Variants in TTC21B observed in about 807,000 individuals in gnomAD.
TTC21B encodes tetratricopeptide repeat protein 21B.
TTC21B carries 127 observed loss-of-function variants against 175.1 expected under a neutral mutation model. That is an observed-to-expected ratio of 0.73 (90% CI 0.63 to 0.84). TTC21B has a LOEUF of 0.84. Ranked by LOEUF, TTC21B falls within the 40% of genes least tolerant of loss-of-function variation. The pLI is 0.00. For missense variants in TTC21B, 1,561 were observed against 1,558.3 expected, an observed-to-expected ratio of 1.00 and a Z score of -0.03; for synonymous variants, 524 against 524.5, an observed-to-expected ratio of 1.00 and a Z score of 0.01.
intron 11 of TTC21B, chr2:165,928,848 G>C (rs1236033235): frequency 2.7e-6 from 1 of 377,112 alleles, no homozygotes; most frequent in African/African-American, 2.1e-5. Context: ...CAGACTGGTA[G>C]CAAATATAAG....
At chr2:165,924,063 AT>A (rs1041391932) in intron 12 of TTC21B, among the ~76,000 whole-genome samples, 15 of 152,050 alleles carry the variant, frequency 9.9e-5, no homozygotes, top group African/African-American at 3.6e-4. Context: ...ATGATGGTCT[AT>A]TTTTATGTGT....
chr2:165,890,454 A>G, intron 24 of TTC21B, 25 bp downstream of exon 24: 1 of 1,611,098 alleles, frequency 6.2e-7, no homozygotes. Context: ...TTTTTTAAAA[A>G]AGGATAATAT....
intron 4 of TTC21B, among the ~76,000 whole-genome samples, 169 bp downstream of exon 4, chr2:165,945,355 T>C (rs1341313865): frequency 1.3e-5 from 2 of 152,216 alleles, no homozygotes; most frequent in African/African-American, 2.4e-5. Flanking sequence ...TATTCTACAA[T>C]ACACTATTAA....
chr2:165,877,721 ATATG>A (rs1463772964), intron 27 of TTC21B, among the ~76,000 whole-genome samples: 11 of 152,270 alleles, frequency 7.2e-5, no homozygotes, highest in African/African-American at 1.9e-4. Context: ...GTGTGTATAT[ATATG>A]TATGTCTATA....
chr2:165,940,942 C>G (rs1687342266), intron 6 of TTC21B, 85 bp downstream of exon 6: 2 of 1,498,426 alleles, frequency 1.3e-6, no homozygotes. Flanking sequence ...TTTAAAAACC[C>G]TTATGAAAAA....
chr2:165,910,570 T>C (rs1257676229), intron 18 of TTC21B, among the ~76,000 whole-genome samples: 3 of 152,122 alleles, frequency 2.0e-5, no homozygotes, highest in Admixed American at 6.6e-5. Context: ...CATTGGAACA[T>C]GGATTATAAT....
chr2:165,888,446 GCA>G lies in TTC21B; in HGVS notation c.3290_3291del (p.Val1097AlafsTer12). On this transcript the variant is annotated frameshift_variant, in exon 25 of 29. Coordinates refer to ENST00000243344, the MANE Select transcript of TTC21B (RefSeq NM_024753.5). LOFTEE classifies it high-confidence loss of function. ...TTTTCTGCTGTTCTTACTGCCAGTTGCACAGATTCTTGCTTCTCAGTTGAATT... is the reference window on the plus strand; with the variant it reads ...TTTTCTGCTGTTCTTACTGCCAGTTGCAGATTCTTGCTTCTCAGTTGAATT... ...LGNSTEKQESVQLAVRTAEKL... is the reference protein window; with the variant it reads ...LGNSTEKQESXQLAVRTAEKL... 1 of 1,613,576 alleles carries G rather than the reference GCA, an allele frequency of 6.2e-7. No individual in the cohort carries two copies. Among genetic ancestry groups the G allele is most frequent in the Non-Finnish European group, 8.5e-7 (1 of 1,179,744 alleles).
chr2:165,926,102 A>G (rs1427359266), intron 11 of TTC21B, among the ~76,000 whole-genome samples: 1 of 152,220 alleles, frequency 6.6e-6, no homozygotes, highest in African/African-American at 2.4e-5. Context: ...TAAAGAGACA[A>G]TTCTGCCTTT....
rs1231210163 is a variant in TTC21B, at chr2:165,883,804, C to T, written c.3674G>A (p.Arg1225His). ...TCTTCAATCACCTACTCTATTATGA[C>T]GCAGGCACCGTTTTAACAGGTCTTC... ...MAEDLLKRCLRHNRSCCKAYE... is the reference protein window; with the variant it reads ...MAEDLLKRCLHHNRSCCKAYE... The change falls in exon 26 of 29, where the codon CGT becomes CAT. Residue 1225 changes from arginine (R) to histidine (H), a missense_variant. By Grantham distance (29) the Arg-to-His change is conservative. Coordinates refer to ENST00000243344, the MANE Select transcript of TTC21B (RefSeq NM_024753.5). The T allele has an allele frequency of 8.7e-6, 14 of 1,613,050 alleles. No homozygotes were observed. Among genetic ancestry groups the T allele is most frequent in the Middle Eastern group, 1.6e-4 (1 of 6,076 alleles).
At position 165,883,820 on chromosome 2, in the gene TTC21B, ACAGGTCTTCTGCCATGT is replaced by A. The variant is rs1451904718; in HGVS notation, c.3641_3657del (p.Asp1214ValfsTer8). On this transcript the variant is annotated frameshift_variant, in exon 26 of 29. Coordinates refer to ENST00000243344, the MANE Select transcript of TTC21B (RefSeq NM_024753.5). LOFTEE classifies it high-confidence loss of function. ...CTATTATGACGCAGGCACCGTTTTAACAGGTCTTCTGCCATGTCATATTTTGCTGATTGAATGTAAAT... is the reference window on the plus strand; with the variant it reads ...CTATTATGACGCAGGCACCGTTTTAACATATTTTGCTGATTGAATGTAAAT... The A allele has an allele frequency of 1.2e-6, 2 of 1,613,950 alleles. No individual in the cohort carries two copies. The highest frequency in any genetic ancestry group is 1.7e-6 in the Non-Finnish European group (2 of 1,179,950).
intron 22 of TTC21B, among the ~76,000 whole-genome samples, chr2:165,895,155 C>G (rs1285515492): frequency 1.3e-5 from 2 of 151,966 alleles, no homozygotes; most frequent in Non-Finnish European, 2.9e-5. Context: ...GATAAGGAAG[C>G]TAAAGTTCAT....
intron 14 of TTC21B, among the ~76,000 whole-genome samples, chr2:165,916,766 A>G (rs1559057469): frequency 6.6e-6 from 1 of 152,182 alleles, no homozygotes; most frequent in Non-Finnish European, 1.5e-5. Context: ...GTCAACCAGG[A>G]GCAAATTATG....
At chr2:165,911,522 G>C in intron 17 of TTC21B, 57 bp from the exon 18 acceptor site, 1 of 1,600,572 alleles carries the variant, frequency 6.2e-7, no homozygotes, top group Non-Finnish European at 8.6e-7. Flanking sequence ...CATTCAAGCA[G>C]AGCTATTTAA....
chr2:165,918,516 C>T (rs559631168), intron 13 of TTC21B, among the ~76,000 whole-genome samples: 2 of 152,116 alleles, frequency 1.3e-5, no homozygotes, highest in Admixed American at 6.5e-5. Context: ...AGGATGGTCT[C>T]GATCTCCTGA....
intron 1 of TTC21B, among the ~76,000 whole-genome samples, chr2:165,950,605 G>C (rs1214855190): frequency 2.0e-5 from 3 of 152,282 alleles, no homozygotes; most frequent in Admixed American, 1.3e-4. Flanking sequence ...AGGGTATCTA[G>C]ACAGCTCTGG....
intron 18 of TTC21B, among the ~76,000 whole-genome samples, chr2:165,910,330 G>A (rs1001563784): frequency 8.6e-5 from 13 of 152,032 alleles, no homozygotes; most frequent in African/African-American, 2.4e-4. Flanking sequence ...GTGAGCCCGG[G>A]CAGCAGAGCT....
chr2:165,898,683 T>C lies in TTC21B; in HGVS notation c.2950+3A>G. 1.2e-6 allele frequency: 2 copies of C among 1,600,842 alleles called. No homozygotes were observed. Among genetic ancestry groups the C allele is most frequent in the Non-Finnish European group, 1.7e-6 (2 of 1,167,946 alleles). The stretch of plus-strand genomic sequence containing the variant: ...TCAAAAAATACAATAAGTAGGTATT[T>C]ACCTGGCTTACGTTCTAAAAGCTGC... On this transcript the variant is annotated splice_donor_region_variant and intron_variant, in intron 22 of 28. Transcript: ENST00000243344.
rs112372576 is a variant in TTC21B, at chr2:165,901,748, G to C, written c.2731C>G (p.Leu911Val). ...TTATTATCTGTTTCGCAGTGAACCA[G>C]AGCCTCTCTATAAAACTTAATTGCT... ...EKAIKFYREA[L>V]VHCETDNKIM... is the part of the protein sequence containing the mutation. Residue 911 changes from leucine (L) to valine (V), a missense_variant, in exon 20 of 29, where the codon CTG becomes GTG. Transcript: ENST00000243344. 9.3e-6 allele frequency: 15 copies of C among 1,614,114 alleles called. No individual in the cohort carries two copies. The African/African-American group carries it at 1.1e-4, about 11-fold the overall frequency.
intron 19 of TTC21B, 25 bp downstream of exon 19, chr2:165,907,653 C>A: frequency 6.7e-7 from 1 of 1,501,570 alleles, no homozygotes; most frequent in South Asian, 1.1e-5. Flanking sequence ...ACCTCATGAC[C>A]ACACTCACAG....
Sources: allele counts gnomAD v4.1 joint callset (sites outside exome capture counted in the v4.1 genomes callset), GRCh38; gene constraint gnomAD v4.1.1; transcripts MANE v1.5; gene names NCBI Gene and HGNC (gene_info 2026-07-23, HGNC 2026-07-21).